Variants in ATP8A1 observed in about 807,000 individuals in gnomAD.
ATP8A1 encodes the protein phospholipid-transporting ATPase IA.
A neutral mutation model predicts 177.7 loss-of-function variants in ATP8A1; 90 were observed. The observed-to-expected ratio is 0.51, with a 90% CI of 0.43 to 0.60. The LOEUF is 0.60. Ranked by LOEUF, ATP8A1 falls within the 20% of genes least tolerant of loss-of-function variation. ATP8A1 has a pLI of 0.00. For synonymous variants in ATP8A1, 493 were observed against 485.9 expected (o/e 1.01, Z -0.19); for missense variants, 1,072 against 1,392.8 (o/e 0.77, Z 3.67).
intron 11 of ATP8A1, among the ~76,000 whole-genome samples, 170 bp from the exon 12 acceptor site, chr4:42,578,557 T>C (rs543902538): frequency 6.6e-6 from 1 of 152,262 alleles, no homozygotes; most frequent in African/African-American, 2.4e-5. Flanking sequence ...CAAGATAGAA[T>C]TGCATTGTGT....
intron 24 of ATP8A1, among the ~76,000 whole-genome samples, chr4:42,486,064 A>G (rs1722166941): frequency 6.6e-6 from 1 of 152,178 alleles, no homozygotes; most frequent in South Asian, 2.1e-4. Flanking sequence ...CTTTTTGCAG[A>G]AAGGGTACAC....
chr4:42,450,590 T>G (rs1717831774), intron 30 of ATP8A1, among the ~76,000 whole-genome samples: 1 of 152,188 alleles, frequency 6.6e-6, no homozygotes, highest in Non-Finnish European at 1.5e-5. Context: ...CCATGCTCAT[T>G]CCACAGCCTA....
intron 32 of ATP8A1, 103 bp from the exon 33 acceptor site, chr4:42,443,775 CA>C: frequency 1.6e-6 from 1 of 622,204 alleles, no homozygotes. Context: ...TTATTATATC[CA>C]TAAAAATATT....
chr4:42,595,914 T>C (rs1018672236), intron 6 of ATP8A1, among the ~76,000 whole-genome samples: 1 of 152,232 alleles, frequency 6.6e-6, no homozygotes, highest in Non-Finnish European at 1.5e-5. Context: ...ACAATTTATA[T>C]GGTACCCCAG....
intron 21 of ATP8A1, 109 bp from the exon 22 acceptor site, chr4:42,522,408 C>G: frequency 7.9e-7 from 1 of 1,262,260 alleles, no homozygotes; most frequent in Non-Finnish European, 1.1e-6. Context: ...TGATTCCATA[C>G]AAACAATATG....
chr4:42,594,331 C>T, intron 6 of ATP8A1: 1 of 1,602,318 alleles, frequency 6.2e-7, no homozygotes, highest in Non-Finnish European at 8.5e-7. Context: ...ATACTCTTTG[C>T]CTTTTATTAT....
chr4:42,475,377 A>C (rs1334433648), intron 25 of ATP8A1, among the ~76,000 whole-genome samples: 1 of 152,056 alleles, frequency 6.6e-6, no homozygotes, highest in Non-Finnish European at 1.5e-5. Flanking sequence ...CAGACACAGC[A>C]TTGTTAACCA....
intron 5 of ATP8A1, among the ~76,000 whole-genome samples, chr4:42,611,533 C>T (rs28514433): frequency 0.22 from 34,187 of 151,998 alleles, 4,332 homozygotes; most frequent in Non-Finnish European, 0.29. Context: ...ACACCTGGGG[C>T]TTTAAAAAGC....
chr4:42,418,448 T>C (rs1713496782), intron 35 of ATP8A1, among the ~76,000 whole-genome samples: 1 of 152,252 alleles, frequency 6.6e-6, no homozygotes, highest in Non-Finnish European at 1.5e-5. Flanking sequence ...GTGTCCATCA[T>C]TTCTTACTGT....
chr4:42,529,275 A>G (rs1246642321), intron 20 of ATP8A1, among the ~76,000 whole-genome samples: 1 of 152,224 alleles, frequency 6.6e-6, no homozygotes, highest in Non-Finnish European at 1.5e-5. Flanking sequence ...CAGTGGAGGC[A>G]TCTAGGATTT....
chr4:42,421,920 G>A (rs1021864862), intron 35 of ATP8A1, among the ~76,000 whole-genome samples: 46 of 151,728 alleles, frequency 3.0e-4, no homozygotes, highest in African/African-American at 1.1e-3. Flanking sequence ...GATTTGATTA[G>A]CTTTCTAACT....
chr4:42,458,908 C>CA (rs1299357894), intron 27 of ATP8A1, among the ~76,000 whole-genome samples: 1 of 152,156 alleles, frequency 6.6e-6, no homozygotes, highest in Non-Finnish European at 1.5e-5. Flanking sequence ...CTGATCAGCA[C>CA]AAAAAACTGA....
At chr4:42,583,073 G>A (rs1733259422) in intron 9 of ATP8A1, among the ~76,000 whole-genome samples, 1 of 152,206 alleles carries the variant, frequency 6.6e-6, no homozygotes, top group Non-Finnish European at 1.5e-5. Flanking sequence ...CTTTGTAAGT[G>A]GAGGCAAAGC....
Position 42,555,436 on chromosome 4 carries a change from T to C in ATP8A1, c.1413+532A>G, listed in dbSNP as rs16854506. On this transcript the variant is annotated intron_variant, in intron 16 of 36. Coordinates refer to ENST00000381668, the MANE Select transcript of ATP8A1 (RefSeq NM_006095.2). ...TGAAACAATTTGAAAAGACAGAATA[T>C]TGATGAATGATAATATTAAAATCAA... 7.6e-3 allele frequency among the ~76,000 whole-genome samples: 1,163 copies of C among 152,090 alleles called. 15 individuals are homozygous for C. Among genetic ancestry groups the C allele is most frequent in the African/African-American group, 0.026 (1,092 of 41,412 alleles).
intron 15 of ATP8A1, among the ~76,000 whole-genome samples, chr4:42,558,635 T>C (rs867436873): frequency 3.5e-4 from 53 of 152,290 alleles, no homozygotes; most frequent in African/African-American, 1.3e-3. Context: ...TTTTTTTAAA[T>C]TCAAAATTCA....
At chr4:42,419,477 G>C (rs1226763433) in intron 35 of ATP8A1, among the ~76,000 whole-genome samples, 1 of 152,140 alleles carries the variant, frequency 6.6e-6, no homozygotes, top group African/African-American at 2.4e-5. Context: ...TAGTAGGCTA[G>C]GAATTAAATA....
chr4:42,636,446 A>G (rs1018407978), intron 1 of ATP8A1, among the ~76,000 whole-genome samples: 1 of 151,830 alleles, frequency 6.6e-6, no homozygotes, highest in Non-Finnish European at 1.5e-5. Context: ...AGGAACCACT[A>G]CTCTGGAAAC....
chr4:42,527,166 C>T (rs74930380), intron 20 of ATP8A1, among the ~76,000 whole-genome samples: 30,378 of 151,984 alleles, frequency 0.2, 3,188 homozygotes, highest in African/African-American at 0.26. Context: ...TCTGCTAAGA[C>T]TGCCCTGAGT....
intron 25 of ATP8A1, among the ~76,000 whole-genome samples, chr4:42,469,875 CACA>C (rs919533528): frequency 3.3e-5 from 5 of 152,324 alleles, no homozygotes; most frequent in East Asian, 3.9e-4. Context: ...TACCTTACCA[CACA>C]ACAACTTAAT....
Sources: allele counts gnomAD v4.1 joint callset (sites outside exome capture counted in the v4.1 genomes callset), GRCh38; gene constraint gnomAD v4.1.1; transcripts MANE v1.5; gene names NCBI Gene and HGNC (gene_info 2026-07-23, HGNC 2026-07-21).